PCDHGB4: variants seen among roughly 807,000 people sequenced by gnomAD.
PCDHGB4 encodes the protein protocadherin gamma-B4.
In PCDHGB4, 38 loss-of-function variants were observed where a neutral mutation model predicts 60.5. That is an observed-to-expected ratio of 0.63 (90% CI 0.48 to 0.82). The LOEUF is 0.82. Ranked by LOEUF, PCDHGB4 falls within the 40% of genes least tolerant of loss-of-function variation. The pLI, the probability that PCDHGB4 is intolerant of heterozygous loss-of-function variation, is 0.00. For synonymous variants in PCDHGB4, 456 were observed against 509.7 expected, an observed-to-expected ratio of 0.89 and a Z score of 1.42; for missense variants, 1,109 against 1,209.6, an observed-to-expected ratio of 0.92 and a Z score of 1.23.
Position 141,485,778 on chromosome 5 carries a change from G to T in PCDHGB4, c.2398-9029G>T. The T allele has an allele frequency of 6.2e-7, 1 of 1,614,216 alleles. No individual in the cohort carries two copies. Among genetic ancestry groups the T allele is most frequent in the Admixed American group, 1.7e-5 (1 of 60,028 alleles). ...CTGCTCCTGGAGAAGCCTTTGGATC[G>T]AGAGAAGCAATCGGACTACCGCCTG... is the stretch of plus-strand genomic sequence containing the variant. On this transcript the variant is annotated intron_variant, in intron 1 of 3. Coordinates refer to ENST00000519479, the MANE Select transcript of PCDHGB4 (RefSeq NM_003736.4). The surrounding 1 kb of genome is among the most constrained non-coding windows in gnomAD (Gnocchi z 5.7).
intron 1 of PCDHGB4, among the ~76,000 whole-genome samples, chr5:141,473,033 G>A (rs1199215390): frequency 1.4e-5 from 2 of 146,282 alleles, no homozygotes. Flanking sequence ...AAGGAAGGAA[G>A]GAAAGAAAGA....
intron 1 of PCDHGB4, chr5:141,423,256 G>T (rs751894091): frequency 1.4e-5 from 22 of 1,613,816 alleles, no homozygotes; most frequent in Middle Eastern, 1.6e-4. Flanking sequence ...GGCGGACCTC[G>T]GCAGCCTCGA....
intron 1 of PCDHGB4, among the ~76,000 whole-genome samples, chr5:141,451,072 C>A (rs2098705989): frequency 6.6e-6 from 1 of 152,026 alleles, no homozygotes; most frequent in African/African-American, 2.4e-5. Context: ...TTGTGATCCA[C>A]CCACCTTGAC....
At chr5:141,419,808 G>A in intron 1 of PCDHGB4, 2 of 1,614,066 alleles carry the variant, frequency 1.2e-6, no homozygotes, top group Non-Finnish European at 8.5e-7. Flanking sequence ...AGAGATGGAG[G>A]ACAGCCACCC....
intron 1 of PCDHGB4, among the ~76,000 whole-genome samples, chr5:141,471,035 G>A (rs2099247157): frequency 7.1e-6 from 1 of 141,386 alleles, no homozygotes; most frequent in Admixed American, 7.1e-5. Flanking sequence ...TTATTAACAA[G>A]CCCAAGCCCT....
rs376415955 is a variant in PCDHGB4, at chr5:141,432,082, C to T, written c.2397+41801C>T. ...CCACGGAAACTCATATCTCGCTGAACGTGGCAGACACCAACGACAACCCGC... is the reference window on the plus strand; with the variant it reads ...CCACGGAAACTCATATCTCGCTGAATGTGGCAGACACCAACGACAACCCGC... On this transcript the variant is annotated intron_variant, in intron 1 of 3. Transcript: ENST00000519479. This position sits in a 1 kb window ranked among gnomAD's most constrained non-coding sequence, Gnocchi z 6.0. The T allele has an allele frequency of 3.1e-6, 5 of 1,614,184 alleles. No homozygotes were observed. Among genetic ancestry groups the T allele is most frequent in the Non-Finnish European group, 4.2e-6 (5 of 1,180,028 alleles).
intron 1 of PCDHGB4, among the ~76,000 whole-genome samples, chr5:141,467,680 T>A (rs75237059): frequency 6.6e-6 from 1 of 152,138 alleles, no homozygotes; most frequent in Non-Finnish European, 1.5e-5. Flanking sequence ...TTATTTTTTT[T>A]AGACAGGGTC....
In PCDHGB4 at chr5:141,433,032, C is replaced by T. The variant is rs751061646; in HGVS notation, c.2397+42751C>T. The T allele has an allele frequency of 2.5e-6, 4 of 1,614,188 alleles. No homozygotes were observed. Among genetic ancestry groups the T allele is most frequent in the African/African-American group, 2.7e-5 (2 of 75,058 alleles). On this transcript the variant is annotated intron_variant, in intron 1 of 3. Transcript: ENST00000519479. ...CTGCAGACCTATTCCCACGAGGTTTCCCTCACCACGGACTCGCGGAAGAGT... is the reference window on the plus strand; with the variant it reads ...CTGCAGACCTATTCCCACGAGGTTTTCCTCACCACGGACTCGCGGAAGAGT...
At chr5:141,419,686 G>T (rs551990092) in intron 1 of PCDHGB4, 2 of 1,612,878 alleles carry the variant, frequency 1.2e-6, no homozygotes, top group South Asian at 1.1e-5. Flanking sequence ...ACCACGTGGT[G>T]CAGGCCAGTG....
intron 1 of PCDHGB4, chr5:141,417,547 G>C (rs756455730): frequency 9.7e-5 from 31 of 318,264 alleles, no homozygotes; most frequent in Non-Finnish European, 1.5e-4. Flanking sequence ...AAAATTCCTT[G>C]AAAGAGGTAG....
Position 141,394,179 on chromosome 5 carries a change from T to C in PCDHGB4, c.2397+3898T>C. The C allele has an allele frequency of 2.5e-6, 4 of 1,613,868 alleles. No individual in the cohort carries two copies. The South Asian group carries it at 4.4e-5, about 18-fold the overall frequency. On this transcript the variant is annotated intron_variant, in intron 1 of 3. Coordinates refer to ENST00000519479, the MANE Select transcript of PCDHGB4 (RefSeq NM_003736.4). ...CAACCCTCCTACTTTCCCTCATGCC[T>C]CCTACTCAGCGTATATCCTAGAGAA...
Position 141,425,378 on chromosome 5 carries a change from C to T in PCDHGB4, c.2397+35097C>T, listed in dbSNP as rs372445707. Among the ~76,000 whole-genome samples the T allele has an allele frequency of 1.6e-4, 25 of 152,174 alleles. 1 individual carries two copies. The highest frequency in any genetic ancestry group is 3.9e-4 in the African/African-American group (16 of 41,522). On this transcript the variant is annotated intron_variant, in intron 1 of 3. Transcript: ENST00000519479. ...TGATATTAAGAGGGTTATGTTGATTCGGAGGTAGTGATAAAGTTCTGTTAA... is the reference window on the plus strand; with the variant it reads ...TGATATTAAGAGGGTTATGTTGATTTGGAGGTAGTGATAAAGTTCTGTTAA...
intron 1 of PCDHGB4, chr5:141,424,584 C>T (rs919265310): frequency 3.9e-5 from 6 of 152,082 alleles, no homozygotes; most frequent in African/African-American, 1.4e-4. Flanking sequence ...TTCAAATGTG[C>T]TAAAGATGTC....
In PCDHGB4 at chr5:141,394,790, G is replaced by A. The variant is rs776824024; in HGVS notation, c.2397+4509G>A. The A allele has an allele frequency of 2.4e-5, 39 of 1,613,718 alleles. No homozygotes were observed. The African/African-American group carries it at 3.2e-4, about 13-fold the overall frequency. ...AGCCCCCTCTCTCCGCCACTGTCAC[G>A]CTCACCGTAGCCGTGGCTGACAGCA... On this transcript the variant is annotated intron_variant, in intron 1 of 3. Transcript: ENST00000519479.
At chr5:141,433,364 T>C (rs1246641841) in intron 1 of PCDHGB4, 1 of 524,614 alleles carries the variant, frequency 1.9e-6, no homozygotes, top group Admixed American at 3.5e-5. Context: ...TCTGCCTATC[T>C]ATCTATCTAT....
intron 3 of PCDHGB4, chr5:141,507,285 C>T (rs80317708): frequency 2.7e-5 from 4 of 150,212 alleles, no homozygotes; most frequent in African/African-American, 7.4e-5. Flanking sequence ...ATAAGTCAGT[C>T]TCAAATGTTG....
chr5:141,459,756 G>A (rs1455980132), intron 1 of PCDHGB4, among the ~76,000 whole-genome samples: 1 of 152,118 alleles, frequency 6.6e-6, no homozygotes, highest in Non-Finnish European at 1.5e-5. Flanking sequence ...AATTCTAGTG[G>A]GTGTGTGATA....
At chr5:141,405,505 C>T (rs573282216) in intron 1 of PCDHGB4, 22 of 751,126 alleles carry the variant, frequency 2.9e-5, no homozygotes, top group Admixed American at 1.7e-4. Flanking sequence ...TTGCAACCTC[C>T]GCCTCCCAAA....
intron 1 of PCDHGB4, among the ~76,000 whole-genome samples, chr5:141,420,650 A>G (rs2096512866): frequency 6.6e-6 from 1 of 152,244 alleles, no homozygotes; most frequent in Non-Finnish European, 1.5e-5. Context: ...TGTAAGAATT[A>G]TAGTTAGGCA....
Sources: allele counts gnomAD v4.1 joint callset (sites outside exome capture counted in the v4.1 genomes callset), GRCh38; gene constraint gnomAD v4.1.1; non-coding constraint Gnocchi (gnomAD v3.1); transcripts MANE v1.5; gene names NCBI Gene and HGNC (gene_info 2026-07-23, HGNC 2026-07-21).